The following TASP1 variants were observed in gnomAD, a reference collection of about 807,000 sequenced individuals.
TASP1 encodes the protein taspase 1.
Under a neutral mutation model 56.6 loss-of-function variants are expected in TASP1, and 16 were observed. That is an observed-to-expected ratio of 0.28 (90% CI 0.19 to 0.43). The LOEUF (loss-of-function observed/expected upper bound fraction) is 0.43. TASP1 is among the 20% of genes least tolerant of loss of function. The probability of loss-of-function intolerance (pLI) is 1.00; values close to 1 mark genes in which losing one functional copy is unlikely to be tolerated. For missense variants in TASP1, 393 were observed against 511.6 expected, an observed-to-expected ratio of 0.77 and a Z score of 2.24; for synonymous variants, 179 against 184.2, an observed-to-expected ratio of 0.97 and a Z score of 0.23.
chr20:13,287,589 GT>G, the TASP1 span, among the ~76,000 whole-genome samples: 2 of 152,200 alleles, frequency 1.3e-5, no homozygotes, highest in South Asian at 2.1e-4. Flanking sequence ...TAATTCACTT[GT>G]TTTTTGTGTT....
the TASP1 span, among the ~76,000 whole-genome samples, chr20:13,269,016 T>C: frequency 1.3e-5 from 2 of 152,210 alleles, no homozygotes; most frequent in African/African-American, 4.8e-5. Context: ...CTCAGTGCTC[T>C]TGACCTTGGG....
chr20:13,155,180 C>T, the TASP1 span, among the ~76,000 whole-genome samples: 1 of 150,676 alleles, frequency 6.6e-6, no homozygotes, highest in Non-Finnish European at 1.5e-5. Flanking sequence ...AGAATGAGAC[C>T]CTGTCAAAAA....
chr20:13,438,813 AAAAC>A (rs1360764383), intron 11 of TASP1, among the ~76,000 whole-genome samples: 4 of 152,194 alleles, frequency 2.6e-5, no homozygotes, highest in African/African-American at 4.8e-5. Context: ...TTACAAGAAA[AAAAC>A]AAACAACCCC....
chr20:13,468,954 A>T (rs1299043173), intron 11 of TASP1, among the ~76,000 whole-genome samples: 1 of 151,888 alleles, frequency 6.6e-6, no homozygotes, highest in African/African-American at 2.4e-5. Context: ...AAACTCAATA[A>T]AATACCAATT....
intron 4 of TASP1, among the ~76,000 whole-genome samples, chr20:13,596,616 A>G (rs188020209): frequency 4.2e-4 from 64 of 152,322 alleles, no homozygotes; most frequent in African/African-American, 1.5e-3. Context: ...ATCACAATTA[A>G]AAGAACTAGA....
At chr20:13,248,556 C>A in the TASP1 span, among the ~76,000 whole-genome samples, 1 of 152,222 alleles carries the variant, frequency 6.6e-6, no homozygotes, top group Non-Finnish European at 1.5e-5. Flanking sequence ...GACCATTGAA[C>A]TTTACCTCTT....
the TASP1 span, among the ~76,000 whole-genome samples, chr20:13,361,493 A>T: frequency 2.6e-5 from 4 of 152,174 alleles, no homozygotes; most frequent in Admixed American, 2.0e-4. Flanking sequence ...CACCTCACCA[A>T]GCTCAGCCAC....
intron 11 of TASP1, among the ~76,000 whole-genome samples, chr20:13,475,573 A>G (rs1028129616): frequency 6.6e-6 from 1 of 152,060 alleles, no homozygotes; most frequent in African/African-American, 2.4e-5. Flanking sequence ...CACATTTCAT[A>G]TTTTCTATCT....
chr20:13,123,797 C>A, the TASP1 span, among the ~76,000 whole-genome samples: 1 of 152,324 alleles, frequency 6.6e-6, no homozygotes, highest in East Asian at 1.9e-4. Flanking sequence ...CCTTGAAACA[C>A]CTTGTTCCTG....
chr20:13,256,599 T>C, the TASP1 span, among the ~76,000 whole-genome samples: 2 of 152,160 alleles, frequency 1.3e-5, no homozygotes, highest in Non-Finnish European at 2.9e-5. Context: ...ACTGACCACG[T>C]CTTCCATCCT....
At chr20:13,126,916 C>T in the TASP1 span, among the ~76,000 whole-genome samples, 2 of 152,222 alleles carry the variant, frequency 1.3e-5, no homozygotes, top group African/African-American at 2.4e-5. Context: ...TTCTAATTTA[C>T]CTCATTGTGA....
chr20:13,510,145 TA>T (rs553711813), intron 10 of TASP1, among the ~76,000 whole-genome samples: 5,663 of 148,700 alleles, frequency 0.038, 129 homozygotes, highest in African/African-American at 0.059. Flanking sequence ...TTTCTAGACT[TA>T]AAAAAAAAAC....
chr20:13,576,222 G>A, intron 6 of TASP1, among the ~76,000 whole-genome samples: 1 of 146,630 alleles, frequency 6.8e-6, no homozygotes. Context: ...GGGGAGGGGA[G>A]GGGAGGGGAG....
At chr20:13,621,620 A>G (rs978887778) in intron 4 of TASP1, among the ~76,000 whole-genome samples, 5 of 152,296 alleles carry the variant, frequency 3.3e-5, no homozygotes, top group East Asian at 1.9e-4. Flanking sequence ...CCGAAACTGT[A>G]AGTCCACCTA....
the TASP1 span, among the ~76,000 whole-genome samples, chr20:13,327,179 A>G: frequency 8.9e-3 from 1,357 of 152,332 alleles, 19 homozygotes; most frequent in African/African-American, 0.032. Context: ...AGGCAACCAG[A>G]GAGCCAAATC....
At chr20:13,314,266 AG>A in the TASP1 span, among the ~76,000 whole-genome samples, 4 of 152,148 alleles carry the variant, frequency 2.6e-5, no homozygotes, top group African/African-American at 9.6e-5. Flanking sequence ...CTATAAATCC[AG>A]GAAGTTCAGA....
At position 13,394,061 on chromosome 20, in the gene TASP1, C is replaced by T. The variant is rs1251271577; in HGVS notation, c.1171-3609G>A. Among the ~76,000 whole-genome samples the T allele has an allele frequency of 2.0e-5, 3 of 147,116 alleles. No individual in the cohort carries two copies. In the East Asian group the frequency reaches 6.2e-4, roughly 31 times the overall value. ...TTTGGGAGGCTGAGGCAGGCGGATCCCCCGAGGTCAGGAGTTCGAGACCAG... is the reference window on the plus strand; with the variant it reads ...TTTGGGAGGCTGAGGCAGGCGGATCTCCCGAGGTCAGGAGTTCGAGACCAG... On this transcript the variant is annotated intron_variant, in intron 13 of 13. Coordinates refer to ENST00000337743, the MANE Select transcript of TASP1 (RefSeq NM_017714.3).
chr20:13,322,663 CAG>C, the TASP1 span, among the ~76,000 whole-genome samples: 1 of 152,202 alleles, frequency 6.6e-6, no homozygotes, highest in Non-Finnish European at 1.5e-5. Flanking sequence ...TACAGACAGA[CAG>C]ACTTTGAGAA....
chr20:13,520,602 C>T (rs1007484623), intron 10 of TASP1, among the ~76,000 whole-genome samples: 7 of 152,150 alleles, frequency 4.6e-5, no homozygotes, highest in Non-Finnish European at 5.9e-5. Context: ...CCCTTCCTTA[C>T]ACCTTATACA....
Sources: allele counts gnomAD v4.1 joint callset (sites outside exome capture counted in the v4.1 genomes callset), GRCh38; gene constraint gnomAD v4.1.1; transcripts MANE v1.5; gene names NCBI Gene and HGNC (gene_info 2026-07-23, HGNC 2026-07-21).